PLCB3: variants seen among roughly 807,000 people sequenced by gnomAD.
The protein encoded by PLCB3 is phospholipase C beta 3.
A neutral mutation model predicts 152.1 loss-of-function variants in PLCB3; 54 were observed. The observed-to-expected ratio is 0.36, with a 90% CI of 0.29 to 0.45. The LOEUF (loss-of-function observed/expected upper bound fraction) is 0.45. Ranked by LOEUF, PLCB3 falls within the 20% of genes least tolerant of loss-of-function variation. The pLI is 1.00. For synonymous variants in PLCB3, 717 were observed against 698.7 expected (o/e 1.03, Z -0.41); for missense variants, 1,248 against 1,687.5 (o/e 0.74, Z 4.56).
At chr11:64,260,339 C>A in intron 14 of PLCB3, 105 bp downstream of exon 14, 1 of 778,220 alleles carries the variant, frequency 1.3e-6, no homozygotes, top group Non-Finnish European at 2.1e-6. Flanking sequence ...CCTCCTGGGG[C>A]TCAGTGTGGG....
chr11:64,254,540 C>A, intron 2 of PLCB3, 48 bp downstream of exon 2: 1 of 1,570,220 alleles, frequency 6.4e-7, no homozygotes, highest in Non-Finnish European at 8.8e-7. Context: ...GACCCCTGTC[C>A]CAGACCCCTG....
chr11:64,267,116 C>T lies in PLCB3; in HGVS notation c.3415-69C>T. The T allele has an allele frequency of 2.1e-6, 3 of 1,413,592 alleles. No individual in the cohort carries two copies. The highest frequency in any genetic ancestry group is 2.9e-6 in the Non-Finnish European group (3 of 1,024,344). 87.6% of individuals were successfully genotyped at this position (1,413,592 alleles called of 1,614,324 possible). A position where few individuals can be genotyped will look rare whatever the true frequency, so the allele number is the denominator to read the frequency against. ...GCCTCGCCCACCTGACTTCTATACCCAGCCAGAGCCTCGAGGCTCTAGCCC... is the reference window on the plus strand; with the variant it reads ...GCCTCGCCCACCTGACTTCTATACCTAGCCAGAGCCTCGAGGCTCTAGCCC... On this transcript the variant is annotated intron_variant, in intron 29 of 30. Transcript: ENST00000279230. This position sits in a 1 kb window ranked among gnomAD's most constrained non-coding sequence, Gnocchi z 5.2.
rs950378724 is a variant in PLCB3, at chr11:64,259,063, C to G, written c.1344C>G (p.Ala448=). The G allele has an allele frequency of 1.9e-6, 3 of 1,611,546 alleles. No homozygotes were observed. Among genetic ancestry groups the G allele is most frequent in the Admixed American group, 3.3e-5 (2 of 59,870 alleles). Residue 448 remains alanine, a synonymous_variant, in exon 13 of 31, where the codon GCC becomes GCG. Coordinates refer to ENST00000279230, the MANE Select transcript of PLCB3 (RefSeq NM_000932.5). ...ACTCGTCCATGCCTGCCCAGCTGGC[C>G]CCAGGCGTTCCCCTGCCCAGCCCCC... ...LIEPLDKYPL[A]PGVPLPSPQD... is the part of the protein sequence containing the mutation.
chr11:64,261,895 G>C lies in PLCB3; in HGVS notation c.1914-57G>C, dbSNP rs905367540. 1.6e-5 allele frequency: 26 copies of C among 1,608,142 alleles called. No individual in the cohort carries two copies. The African/African-American group carries it at 3.5e-4, about 21-fold the overall frequency. ...CAGGAGCACCTGGCTGAGGCCGGAG[G>C]TGGAGGCTGATGGGGTGGGCCCTGG... On this transcript the variant is annotated intron_variant, in intron 16 of 30. Transcript: ENST00000279230.
At chr11:64,252,894 A>C (rs1008812165) in intron 1 of PLCB3, among the ~76,000 whole-genome samples, 1 of 151,506 alleles carries the variant, frequency 6.6e-6, no homozygotes, top group African/African-American at 2.4e-5. Context: ...CCCTGGGGAG[A>C]GGTGGGAGGG....
Position 64,255,638 on chromosome 11 carries a change from G to A in PLCB3, c.597+22G>A. On this transcript the variant is annotated intron_variant, in intron 7 of 30. Transcript: ENST00000279230. This position sits in a 1 kb window ranked among gnomAD's most constrained non-coding sequence, Gnocchi z 6.8. The stretch of plus-strand genomic sequence containing the variant: ...CCGGGTGTGTGGGGTGGGGACAGGG[G>A]CGGGGTGGGGTGTCACGGTGGGCAC... 6.3e-7 allele frequency: 1 copy of A among 1,586,858 alleles called. No homozygotes were observed. Among genetic ancestry groups the A allele is most frequent in the Non-Finnish European group, 8.6e-7 (1 of 1,157,038 alleles).
Position 64,264,996 on chromosome 11 carries a change from C to G in PLCB3, c.2698C>G (p.Leu900Val). 1 of 1,611,898 alleles carries G rather than the reference C, an allele frequency of 6.2e-7. No individual in the cohort carries two copies. The highest frequency in any genetic ancestry group is 8.5e-7 in the Non-Finnish European group (1 of 1,179,590). Residue 900 changes from leucine (L) to valine (V), a missense_variant, in exon 23 of 31, where the codon CTG (leucine) becomes GTG (valine). Around this residue, in one of 6 missense-constraint regions of PLCB3, gnomAD observed 477 missense variants for 489.6 expected, o/e 0.97. Coordinates refer to ENST00000279230, the MANE Select transcript of PLCB3 (RefSeq NM_000932.5). ...ETCQDTQSQQLGSQPSSNPTP... is the reference protein window; with the variant it reads ...ETCQDTQSQQVGSQPSSNPTP... ...GTGCCAGGACACCCAGTCTCAGCAG[C>G]TGGGGTCTCAGCCGTCCTCAAACCC...
In PLCB3 at chr11:64,255,634, A is replaced by C; in HGVS notation, c.597+18A>C. ...TCAACCGGGTGTGTGGGGTGGGGAC[A>C]GGGGCGGGGTGGGGTGTCACGGTGG... On this transcript the variant is annotated intron_variant, in intron 7 of 30. Transcript: ENST00000279230. The surrounding 1 kb of genome is among the most constrained non-coding windows in gnomAD (Gnocchi z 6.8). The C allele has an allele frequency of 1.9e-5, 11 of 583,208 alleles. No individual in the cohort carries two copies. The highest frequency in any genetic ancestry group is 2.8e-5 in the Non-Finnish European group (9 of 325,536). 36.1% of individuals were successfully genotyped at this position (583,208 alleles called of 1,614,324 possible). A position where few individuals can be genotyped will look rare whatever the true frequency, so the allele number is the denominator to read the frequency against.
At position 64,254,480 on chromosome 11, in the gene PLCB3, G is replaced by A. The variant is rs1824176918; in HGVS notation, c.165G>A (p.Thr55=). Residue 55 remains threonine (T), a synonymous_variant, in exon 2 of 31, where the codon ACG becomes ACA. Coordinates refer to ENST00000279230, the MANE Select transcript of PLCB3 (RefSeq NM_000932.5). The part of the protein sequence containing the change: ...VDPNGFFLYW[T]GPNMEVDTLD... Reference sequence around the variant, plus strand: ...CCAATGGCTTCTTCTTGTACTGGACGGGCCCCAACATGGTGAGGGTGGGCG... The same window carrying A: ...CCAATGGCTTCTTCTTGTACTGGACAGGCCCCAACATGGTGAGGGTGGGCG... The A allele has an allele frequency of 5.0e-6, 8 of 1,613,806 alleles. No homozygotes were observed. Among genetic ancestry groups the A allele is most frequent in the East Asian group, 2.2e-5 (1 of 44,878 alleles).
rs375538869 is a variant in PLCB3, at chr11:64,261,391, G to T, written c.1732-9G>T. ...AATGGCACTGCTGACCCTGGGTTGG[G>T]GCCCACAGGGCACAGCCAGCAGCGA... is the stretch of plus-strand genomic sequence containing the variant. On this transcript the variant is annotated splice_polypyrimidine_tract_variant and intron_variant, in intron 14 of 30. Transcript: ENST00000279230. 9.3e-6 allele frequency: 15 copies of T among 1,610,304 alleles called. No individual in the cohort carries two copies. The African/African-American group carries it at 1.7e-4, about 19-fold the overall frequency.
Position 64,262,630 on chromosome 11 carries a change from C to T in PLCB3, c.2194-17C>T. On this transcript the variant is annotated splice_polypyrimidine_tract_variant and intron_variant, in intron 18 of 30. Coordinates refer to ENST00000279230, the MANE Select transcript of PLCB3 (RefSeq NM_000932.5). ...GGACTCTCAGCATCCGCCTCACCCT[C>T]CTTGGCCCACCCCCAGGTGATCTCA... 1 of 1,613,576 alleles carries T rather than the reference C, an allele frequency of 6.2e-7. No homozygotes were observed. The highest frequency in any genetic ancestry group is 8.5e-7 in the Non-Finnish European group (1 of 1,179,764).
At chr11:64,269,339 G>A (rs935192339), downstream of PLCB3, among the ~76,000 whole-genome samples, 8 of 152,216 alleles carry the variant, frequency 5.3e-5, no homozygotes, top group African/African-American at 1.9e-4. Context: ...GCATCTCTGT[G>A]CCCGGCACCA....
chr11:64,253,842 G>C (rs566484956), intron 1 of PLCB3, among the ~76,000 whole-genome samples: 21 of 152,336 alleles, frequency 1.4e-4, no homozygotes, highest in African/African-American at 4.6e-4. Context: ...ATGGGGATGA[G>C]CTTTGAGGCT....
chr11:64,261,662 TG>T lies in PLCB3; in HGVS notation c.1912del (p.Glu638AsnfsTer30), dbSNP rs2031858075. The T allele has an allele frequency of 6.2e-7, 1 of 1,613,552 alleles. No homozygotes were observed. On this transcript the variant is annotated frameshift_variant and splice_region_variant, in exon 16 of 31. Coordinates refer to ENST00000279230, the MANE Select transcript of PLCB3 (RefSeq NM_000932.5). LOFTEE classifies it high-confidence loss of function. ...EQLTKSPMEF[V>X]EYNKQQLSRI... ...CTGACCAAGAGCCCCATGGAGTTTG[TG>T]GAGTATCCTTTGAAGGTGCTGTGGG...
chr11:64,259,949 C>A, intron 13 of PLCB3, 80 bp from the exon 14 acceptor site: 1 of 1,212,752 alleles, frequency 8.2e-7, no homozygotes, highest in Non-Finnish European at 1.2e-6. Context: ...CACCTCGGCA[C>A]ACACTGGGAA....
At position 64,266,887 on chromosome 11, in the gene PLCB3, G is replaced by A. The variant is rs992667718; in HGVS notation, c.3415-298G>A. Among the ~76,000 whole-genome samples, 12 of 152,022 alleles carry A rather than the reference G, an allele frequency of 7.9e-5. No homozygotes were observed. The highest frequency in any genetic ancestry group is 2.9e-4 in the African/African-American group (12 of 41,376). ...CGATCTTGGCTCACTGCAACCTCTTGGGTTCAAGCAATTCTCTTGCCTCAG... is the reference window on the plus strand; with the variant it reads ...CGATCTTGGCTCACTGCAACCTCTTAGGTTCAAGCAATTCTCTTGCCTCAG... On this transcript the variant is annotated intron_variant, in intron 29 of 30. Coordinates refer to ENST00000279230, the MANE Select transcript of PLCB3 (RefSeq NM_000932.5). This position sits in a 1 kb window ranked among gnomAD's most constrained non-coding sequence, Gnocchi z 4.9.
rs769183573 is a variant in PLCB3 at position 64,256,614 on chromosome 11, C to G, written c.866-4C>G. On this transcript the variant is annotated splice_polypyrimidine_tract_variant and splice_region_variant and intron_variant, in intron 9 of 30. Coordinates refer to ENST00000279230, the MANE Select transcript of PLCB3 (RefSeq NM_000932.5). The stretch of plus-strand genomic sequence containing the variant: ...CTGACCCTGCTGATCCTCTCCCACC[C>G]CAGACCAGATGTCCATGGAGGGCTT... 1.2e-6 allele frequency: 2 copies of G among 1,613,964 alleles called. No homozygotes were observed. The highest frequency in any genetic ancestry group is 1.7e-6 in the Non-Finnish European group (2 of 1,179,998).
chr11:64,254,899 ACCCCAAGATCCGGGAAGTTCTGGG>A lies in PLCB3; in HGVS notation c.250_273del (p.Pro84_Gly91del), dbSNP rs1473931266. On this transcript the variant is annotated inframe_deletion and splice_region_variant, in exon 4 of 31. Transcript: ENST00000279230. ...CACCCTTCGCTGTCACCTACTCAGG[ACCCCAAGATCCGGGAAGTTCTGGG>A]CTTTGGGGGTCCCGATGCCCGGCTG... 1.2e-6 allele frequency: 2 copies of A among 1,607,890 alleles called. No homozygotes were observed. Among genetic ancestry groups the A allele is most frequent in the African/African-American group, 2.7e-5 (2 of 74,732 alleles).
In PLCB3 at chr11:64,258,799, C is replaced by G; in HGVS notation, c.1253+86C>G. Reference sequence around the variant, plus strand: ...TGTTGGACTGCTCAGGGACCTCCAACCCTGCGAACGGCCACTGACATGTCC... The same window carrying G: ...TGTTGGACTGCTCAGGGACCTCCAAGCCTGCGAACGGCCACTGACATGTCC... On this transcript the variant is annotated intron_variant, in intron 11 of 30. Coordinates refer to ENST00000279230, the MANE Select transcript of PLCB3 (RefSeq NM_000932.5). The surrounding 1 kb of genome is among the most constrained non-coding windows in gnomAD (Gnocchi z 7.2). 6.2e-7 allele frequency: 1 copy of G among 1,603,566 alleles called. No homozygotes were observed. Among genetic ancestry groups the G allele is most frequent in the Non-Finnish European group, 8.5e-7 (1 of 1,171,316 alleles).
Sources: gnomAD v4.1 joint callset for allele counts (sites outside exome capture counted in the v4.1 genomes callset) on GRCh38, gnomAD v4.1.1 for gene constraint, gnomAD v4.1.1 regional missense constraint, Gnocchi (gnomAD v3.1) non-coding constraint, MANE v1.5 for transcripts, NCBI Gene and HGNC (gene_info 2026-07-23, HGNC 2026-07-21) for gene names.